MBNL2: variants seen among roughly 807,000 people sequenced by gnomAD.
MBNL2 encodes the protein muscleblind-like protein 2.
MBNL2 carries 17 observed loss-of-function variants against 41.9 expected under a neutral mutation model. The observed-to-expected ratio is 0.41, with a 90% CI of 0.28 to 0.61. MBNL2 has a LOEUF of 0.61. Among genes scored for constraint, MBNL2 ranks in the 20% least tolerant of loss-of-function variants. The probability of loss-of-function intolerance (pLI) is 0.35; values close to 1 mark genes in which losing one functional copy is unlikely to be tolerated. For missense variants in MBNL2, 336 were observed against 505.6 expected (o/e 0.66, Z 3.22); for synonymous variants, 195 against 182.9 (o/e 1.07, Z -0.53).
In MBNL2 at chr13:97,229,527, T is replaced by A. The variant is rs576306372; in HGVS notation, c.-605+6996T>A. 9.2e-5 allele frequency among the ~76,000 whole-genome samples: 14 copies of A among 152,256 alleles called. No individual in the cohort carries two copies. In the East Asian group the frequency reaches 2.7e-3, roughly 29 times the overall value. On this transcript the variant is annotated intron_variant, in intron 1 of 8. Transcript: ENST00000679496. ...AAGAATAATATTTATAAAGTAACCA[T>A]CCTTAGTGGTTGTTTCTGATCTAAA...
rs866927169 is a variant in MBNL2 at position 97,268,650 on chromosome 13, T to C, written c.-604-6982T>C. On this transcript the variant is annotated intron_variant, in intron 1 of 8. Coordinates refer to ENST00000679496, the MANE Select transcript of MBNL2 (RefSeq NM_001382683.1). This position sits in a 1 kb window ranked among gnomAD's most constrained non-coding sequence, Gnocchi z 4.6. ...CCTTTAGCTTAGACTTTGGTTCTTA[T>C]TAAAATGCAAATATTCCTTGGAGGA... Among the ~76,000 whole-genome samples the C allele has an allele frequency of 1.3e-5, 2 of 152,324 alleles. No homozygotes were observed. The highest frequency in any genetic ancestry group is 6.5e-5 in the Admixed American group (1 of 15,300).
intron 8 of MBNL2, among the ~76,000 whole-genome samples, chr13:97,371,299 G>A (rs371740642): frequency 7.2e-5 from 11 of 151,932 alleles, no homozygotes; most frequent in Admixed American, 2.6e-4. Context: ...TTTATACTCC[G>A]AATCTTTCCC....
chr13:97,221,800 A>G (rs1594050811), upstream of MBNL2, among the ~76,000 whole-genome samples: 1 of 152,352 alleles, frequency 6.6e-6, no homozygotes, highest in Non-Finnish European at 1.5e-5. Flanking sequence ...CCAGAGCTAT[A>G]AGCATGTTTT....
chr13:97,228,525 T>C lies in MBNL2; in HGVS notation c.-605+5994T>C, dbSNP rs1008859851. ...TATATAATTTCAGTTTTTATATTTATTATCTTTTTTTTTTTTTTTTTGAGA... is the reference window on the plus strand; with the variant it reads ...TATATAATTTCAGTTTTTATATTTACTATCTTTTTTTTTTTTTTTTTGAGA... On this transcript the variant is annotated intron_variant, in intron 1 of 8. Coordinates refer to ENST00000679496, the MANE Select transcript of MBNL2 (RefSeq NM_001382683.1). Among the ~76,000 whole-genome samples the C allele has an allele frequency of 6.9e-5, 9 of 130,622 alleles. No homozygotes were observed. In the Admixed American group the frequency reaches 8.1e-4, roughly 12 times the overall value. 85.7% of individuals were successfully genotyped at this position (130,622 alleles called of 152,430 possible).
the MBNL2 span, among the ~76,000 whole-genome samples, chr13:97,203,807 T>C: frequency 6.6e-6 from 1 of 152,174 alleles, no homozygotes; most frequent in Admixed American, 6.5e-5. Flanking sequence ...AAGATTCCAA[T>C]GCCTAGAACA....
At chr13:97,297,460 A>T (rs2057171802) in intron 2 of MBNL2, among the ~76,000 whole-genome samples, 1 of 152,114 alleles carries the variant, frequency 6.6e-6, no homozygotes, top group African/African-American at 2.4e-5. Context: ...CAGAAAAAAC[A>T]TCTCATCAGA....
chr13:97,195,839 T>C, the MBNL2 span, among the ~76,000 whole-genome samples: 1 of 152,220 alleles, frequency 6.6e-6, no homozygotes, highest in African/African-American at 2.4e-5. Flanking sequence ...GAGCCTCATA[T>C]TCTACAGCAT....
the MBNL2 span, among the ~76,000 whole-genome samples, chr13:97,175,299 C>T: frequency 1.1e-4 from 17 of 152,180 alleles, no homozygotes; most frequent in African/African-American, 4.1e-4. Context: ...CCTACTTCTT[C>T]CCCGTTTATC....
At chr13:97,225,900 CAA>C (rs1314881256) in intron 1 of MBNL2, among the ~76,000 whole-genome samples, 2 of 152,110 alleles carry the variant, frequency 1.3e-5, no homozygotes, top group African/African-American at 4.8e-5. Flanking sequence ...CTGGGGAGAG[CAA>C]AGAGCTTGAT....
chr13:97,203,420 C>A, the MBNL2 span, among the ~76,000 whole-genome samples: 2 of 152,260 alleles, frequency 1.3e-5, no homozygotes, highest in African/African-American at 4.8e-5. Flanking sequence ...GCCATCACCC[C>A]ATCCCACATT....
the MBNL2 span, among the ~76,000 whole-genome samples, chr13:97,188,317 C>G: frequency 6.6e-6 from 1 of 152,212 alleles, no homozygotes; most frequent in Non-Finnish European, 1.5e-5. Context: ...AGTGGGCATA[C>G]GGGCACTCCC....
the MBNL2 span, among the ~76,000 whole-genome samples, chr13:97,174,149 C>T: frequency 1.3e-5 from 2 of 152,062 alleles, no homozygotes; most frequent in Non-Finnish European, 2.9e-5. Flanking sequence ...TTCTCTTAGG[C>T]AGGGTGAAAA....
In MBNL2 at chr13:97,334,449, A is replaced by C; in HGVS notation, c.339+9A>C. On this transcript the variant is annotated intron_variant, in intron 3 of 8. Coordinates refer to ENST00000679496, the MANE Select transcript of MBNL2 (RefSeq NM_001382683.1). This position sits in a 1 kb window ranked among gnomAD's most constrained non-coding sequence, Gnocchi z 5.3. ...CACCACTTCATCCAGTGGTGAGTACATCTTTATTCAGTGATGAGTTGGATG... is the reference window on the plus strand; with the variant it reads ...CACCACTTCATCCAGTGGTGAGTACCTCTTTATTCAGTGATGAGTTGGATG... The C allele has an allele frequency of 3.8e-6, 6 of 1,599,292 alleles. No homozygotes were observed. The highest frequency in any genetic ancestry group is 5.1e-6 in the Non-Finnish European group (6 of 1,170,920).
At chr13:97,325,565 T>C (rs1388573928) in intron 2 of MBNL2, among the ~76,000 whole-genome samples, 1 of 151,978 alleles carries the variant, frequency 6.6e-6, no homozygotes, top group African/African-American at 2.4e-5. Context: ...AACCAGACTC[T>C]ACAAAAATAA....
intron 8 of MBNL2, among the ~76,000 whole-genome samples, chr13:97,381,097 TTCTC>T (rs1566453197): frequency 2.7e-5 from 4 of 146,978 alleles, no homozygotes; most frequent in African/African-American, 1.1e-4. Flanking sequence ...GTCCCTCTCT[TTCTC>T]TCTCCCTCTC....
At chr13:97,187,744 A>G in the MBNL2 span, among the ~76,000 whole-genome samples, 1 of 151,888 alleles carries the variant, frequency 6.6e-6, no homozygotes, top group East Asian at 1.9e-4. Context: ...CGTCTCTACT[A>G]AAAATACAAA....
At chr13:97,201,514 G>A in the MBNL2 span, among the ~76,000 whole-genome samples, 1 of 152,118 alleles carries the variant, frequency 6.6e-6, no homozygotes, top group East Asian at 1.9e-4. Context: ...CAGGAAAGAG[G>A]CTATTTGAAA....
chr13:97,266,756 G>A (rs1319123560), intron 1 of MBNL2, among the ~76,000 whole-genome samples: 1 of 151,976 alleles, frequency 6.6e-6, no homozygotes, highest in African/African-American at 2.4e-5. Flanking sequence ...ATTAAAAATA[G>A]GAAACTCAGA....
At chr13:97,381,667 T>G (rs1179244623) in intron 8 of MBNL2, among the ~76,000 whole-genome samples, 1 of 152,000 alleles carries the variant, frequency 6.6e-6, no homozygotes, top group Non-Finnish European at 1.5e-5. Flanking sequence ...GCTTTAATTT[T>G]TTTAACTTTC....
Sources: gnomAD v4.1 joint callset for allele counts (sites outside exome capture counted in the v4.1 genomes callset) on GRCh38, gnomAD v4.1.1 for gene constraint, Gnocchi (gnomAD v3.1) non-coding constraint, MANE v1.5 for transcripts, NCBI Gene and HGNC (gene_info 2026-07-23, HGNC 2026-07-21) for gene names.